Variants in TULP4 observed in about 807,000 individuals in gnomAD.
The protein encoded by TULP4 is tubby-related protein 4.
TULP4 carries 16 observed loss-of-function variants against 129.0 expected under a neutral mutation model. The observed-to-expected ratio is 0.12, with a 90% confidence interval of 0.08 to 0.19. The LOEUF is 0.19. Among genes scored for constraint, TULP4 ranks in the 10% least tolerant of loss-of-function variants. TULP4 has a pLI of 1.00. For missense variants in TULP4, 1,842 were observed against 2,059.1 expected, an observed-to-expected ratio of 0.89 and a Z score of 2.04; for synonymous variants, 998 against 854.0, an observed-to-expected ratio of 1.17 and a Z score of -2.94.
At position 158,479,988 on chromosome 6, in the gene TULP4, A is replaced by AC; in HGVS notation, c.1251+17dup. 1 of 1,573,420 alleles carries AC rather than the reference A, an allele frequency of 6.4e-7. No homozygotes were observed. Among genetic ancestry groups the AC allele is most frequent in the South Asian group, 1.1e-5 (1 of 89,164 alleles). ...CCCCACCATCAAGGTAAAGCCCTCC[A>AC]CCCCTCCCTCTTCCTCCTCCCTCAC... On this transcript the variant is annotated intron_variant, in intron 7 of 13. Transcript: ENST00000367097.
intron 6 of TULP4, among the ~76,000 whole-genome samples, chr6:158,478,145 G>A (rs768461703): frequency 3.9e-5 from 6 of 152,126 alleles, no homozygotes; most frequent in Non-Finnish European, 8.8e-5. Context: ...AATGCCTGTC[G>A]GGTACTATGC....
chr6:158,398,104 G>T (rs527885670), intron 1 of TULP4: 1 of 152,362 alleles, frequency 6.6e-6, no homozygotes, highest in Admixed American at 6.5e-5. Flanking sequence ...TTGTAAGGCA[G>T]TGAGGACAGC....
intron 6 of TULP4, among the ~76,000 whole-genome samples, chr6:158,474,315 G>A (rs1202956699): frequency 6.6e-6 from 1 of 152,172 alleles, no homozygotes; most frequent in Non-Finnish European, 1.5e-5. Flanking sequence ...CGGTGGCCGG[G>A]TAGCCAGTCC....
At chr6:158,339,688 T>C (rs978932492) in intron 1 of TULP4, among the ~76,000 whole-genome samples, 1 of 152,216 alleles carries the variant, frequency 6.6e-6, no homozygotes, top group Non-Finnish European at 1.5e-5. Flanking sequence ...GGCTCTGTCC[T>C]GTGCGGCCCA....
At chr6:158,393,698 C>T (rs1777642610) in intron 1 of TULP4, among the ~76,000 whole-genome samples, 1 of 152,206 alleles carries the variant, frequency 6.6e-6, no homozygotes, top group Non-Finnish European at 1.5e-5. Context: ...GGCTGGGACA[C>T]AGGGTGCCAT....
chr6:158,499,807 A>G (rs1780403935), intron 12 of TULP4, among the ~76,000 whole-genome samples: 1 of 152,104 alleles, frequency 6.6e-6, no homozygotes, highest in Admixed American at 6.6e-5. Context: ...AACTTGAGAG[A>G]GTTGTTTACC....
At chr6:158,255,275 C>A (rs967606498) in intron 1 of TULP4, among the ~76,000 whole-genome samples, 1 of 152,136 alleles carries the variant, frequency 6.6e-6, no homozygotes, top group Non-Finnish European at 1.5e-5. Context: ...CCGGCAGACC[C>A]TGTCGAGTGC....
chr6:158,312,167 C>A, upstream of TULP4: 1 of 398,408 alleles, frequency 2.5e-6, no homozygotes, highest in South Asian at 1.3e-4. Flanking sequence ...CATTTAAAAC[C>A]TTCTTTCTGT....
At chr6:158,496,645 A>G (rs779295757) in intron 11 of TULP4, among the ~76,000 whole-genome samples, 5 of 152,224 alleles carry the variant, frequency 3.3e-5, no homozygotes, top group African/African-American at 9.6e-5. Flanking sequence ...TTTAATAACT[A>G]CTGTTTAGCT....
At chr6:158,234,700 G>A (rs9356514) in intron 1 of TULP4, among the ~76,000 whole-genome samples, 53,552 of 152,054 alleles carry the variant, frequency 0.35, 9,959 homozygotes, top group East Asian at 0.54. Flanking sequence ...CAGCATTTCA[G>A]TATTACCAAA....
At chr6:158,273,765 A>G (rs776976181) in intron 1 of TULP4, among the ~76,000 whole-genome samples, 1 of 152,236 alleles carries the variant, frequency 6.6e-6, no homozygotes, top group South Asian at 2.1e-4. Context: ...CAATAGTACC[A>G]TGAGGTAGGT....
At chr6:158,237,465 G>T in intron 1 of TULP4, 1 of 1,543,158 alleles carries the variant, frequency 6.5e-7, no homozygotes, top group Non-Finnish European at 9.0e-7. Context: ...TCGCTGCACT[G>T]CCAGGTCTTG....
intron 12 of TULP4, among the ~76,000 whole-genome samples, chr6:158,501,213 G>A (rs1193387181): frequency 6.6e-6 from 1 of 152,118 alleles, no homozygotes; most frequent in East Asian, 1.9e-4. Context: ...ATACACATCT[G>A]TTGCATGACA....
intron 1 of TULP4, among the ~76,000 whole-genome samples, chr6:158,246,020 A>AGGG (rs35127073): frequency 2.6e-4 from 27 of 103,004 alleles, no homozygotes; most frequent in East Asian, 2.1e-3. Flanking sequence ...CCTACCCCTT[A>AGGG]GGGGTGTGTG....
intron 5 of TULP4, among the ~76,000 whole-genome samples, chr6:158,453,720 C>T (rs1317619825): frequency 3.4e-5 from 5 of 146,738 alleles, no homozygotes; most frequent in South Asian, 4.5e-4. Flanking sequence ...ACCTGGGAGG[C>T]GGAGGTTACA....
At chr6:158,267,662 CA>C (rs1778471270) in intron 1 of TULP4, among the ~76,000 whole-genome samples, 1 of 152,204 alleles carries the variant, frequency 6.6e-6, no homozygotes, top group Non-Finnish European at 1.5e-5. Flanking sequence ...TCTCAATTAG[CA>C]AATTGTGTGG....
At chr6:158,241,518 G>A (rs1368891904) in intron 1 of TULP4, among the ~76,000 whole-genome samples, 3 of 151,988 alleles carry the variant, frequency 2.0e-5, no homozygotes, top group East Asian at 1.9e-4. Flanking sequence ...CAAGGCTGGC[G>A]GATCACTCGC....
At chr6:158,384,020 GA>G (rs1777383884) in intron 1 of TULP4, among the ~76,000 whole-genome samples, 1 of 152,216 alleles carries the variant, frequency 6.6e-6, no homozygotes, top group Non-Finnish European at 1.5e-5. Context: ...ACTGTGGCTA[GA>G]GGAGGTGAAT....
intron 1 of TULP4, among the ~76,000 whole-genome samples, chr6:158,250,199 C>T (rs1268403236): frequency 1.3e-5 from 2 of 150,694 alleles, no homozygotes; most frequent in Non-Finnish European, 1.5e-5. Flanking sequence ...CGCTCTGTCA[C>T]CAGGCTGGAG....
Sources: gnomAD v4.1 joint callset for allele counts (sites outside exome capture counted in the v4.1 genomes callset) on GRCh38, gnomAD v4.1.1 for gene constraint, MANE v1.5 for transcripts, NCBI Gene and HGNC (gene_info 2026-07-23, HGNC 2026-07-21) for gene names.